Variants in VAV2 observed in about 807,000 individuals in gnomAD.
VAV2 encodes the protein guanine nucleotide exchange factor VAV2.
VAV2 carries 67 observed loss-of-function variants against 132.5 expected under a neutral mutation model. The ratio of observed to expected loss-of-function variants is 0.51; its 90% CI spans 0.42 to 0.62. VAV2 has a LOEUF of 0.62. Among genes scored for constraint, VAV2 ranks in the 20% least tolerant of loss-of-function variants. The pLI is 0.00. For synonymous variants in VAV2, 492 were observed against 443.5 expected, an observed-to-expected ratio of 1.11 and a Z score of -1.37; for missense variants, 938 against 1,153.6, an observed-to-expected ratio of 0.81 and a Z score of 2.71.
chr9:133,886,426 T>C (rs192063408), intron 2 of VAV2, among the ~76,000 whole-genome samples: 10 of 152,284 alleles, frequency 6.6e-5, no homozygotes, highest in African/African-American at 1.7e-4. Flanking sequence ...CTTGAAGGAC[T>C]CAAACCCATG....
rs568196601 is a variant in VAV2, at chr9:133,803,730, C to T, written c.836+2351G>A. On this transcript the variant is annotated intron_variant, in intron 9 of 29. Coordinates refer to ENST00000371850, the MANE Select transcript of VAV2 (RefSeq NM_001134398.2). ...ATGCTACTCCACCCTTCACCCCCGA[C>T]GAGCTGCCAGGACCCTGTCACAAAG... Among the ~76,000 whole-genome samples the T allele has an allele frequency of 3.9e-5, 6 of 152,304 alleles. No homozygotes were observed. The East Asian group carries it at 1.2e-3, about 29-fold the overall frequency.
chr9:133,977,192 A>AG (rs1404153391), intron 1 of VAV2, among the ~76,000 whole-genome samples: 1 of 152,210 alleles, frequency 6.6e-6, no homozygotes, highest in Non-Finnish European at 1.5e-5. Context: ...AGGCCCCCCC[A>AG]GCATCCCACG....
At chr9:133,862,208 T>C (rs1428052074) in intron 2 of VAV2, among the ~76,000 whole-genome samples, 8 of 152,220 alleles carry the variant, frequency 5.3e-5, no homozygotes, top group African/African-American at 1.4e-4. Context: ...TCTCCTGGCA[T>C]TGAAAGCCCA....
intron 1 of VAV2, among the ~76,000 whole-genome samples, chr9:133,942,671 G>A (rs561340048): frequency 5.5e-4 from 84 of 152,320 alleles, no homozygotes; most frequent in South Asian, 1.7e-3. Context: ...AATCACAGCC[G>A]GCCAGGCCCA....
chr9:133,873,949 C>T (rs183518356), intron 2 of VAV2, among the ~76,000 whole-genome samples: 325 of 152,346 alleles, frequency 2.1e-3, no homozygotes, highest in South Asian at 3.9e-3. Context: ...CAGCTAACCA[C>T]CGTCTAGGCC....
At chr9:133,792,097 G>GTA (rs1834495917) in intron 12 of VAV2, among the ~76,000 whole-genome samples, 1 of 141,566 alleles carries the variant, frequency 7.1e-6, no homozygotes, top group Admixed American at 7.1e-5. Context: ...ATGTGTGTGT[G>GTA]AGCGGGCTGT....
Position 133,826,243 on chromosome 9 carries a change from A to G in VAV2, c.449+8029T>C, listed in dbSNP as rs1835983698. On this transcript the variant is annotated intron_variant, in intron 4 of 29. Transcript: ENST00000371850. The surrounding 1 kb of genome is among the most constrained non-coding windows in gnomAD (Gnocchi z 4.2). Reference sequence around the variant, plus strand: ...CCCAGAGAAGCAGCCCCTTGAAAGGAAAGGAAAGGCCAGCTAGACCTTGGG... The same window carrying G: ...CCCAGAGAAGCAGCCCCTTGAAAGGGAAGGAAAGGCCAGCTAGACCTTGGG... Among the ~76,000 whole-genome samples, 1 of 152,172 alleles carries G rather than the reference A, an allele frequency of 6.6e-6. No homozygotes were observed. Among genetic ancestry groups the G allele is most frequent in the Non-Finnish European group, 1.5e-5 (1 of 68,034 alleles).
chr9:133,786,163 A>G (rs2261613), intron 16 of VAV2, among the ~76,000 whole-genome samples: 85,707 of 152,148 alleles, frequency 0.56, 24,251 homozygotes, highest in Middle Eastern at 0.59. Context: ...CTGCATGCAT[A>G]CTAGTGTGCT....
intron 2 of VAV2, among the ~76,000 whole-genome samples, chr9:133,906,786 T>C (rs929825404): frequency 6.6e-6 from 1 of 152,168 alleles, no homozygotes; most frequent in Non-Finnish European, 1.5e-5. Context: ...GCGGGGTCCC[T>C]GCGGAGCCAG....
At chr9:133,947,568 G>A (rs766747189) in intron 1 of VAV2, among the ~76,000 whole-genome samples, 3 of 151,932 alleles carry the variant, frequency 2.0e-5, no homozygotes, top group South Asian at 2.1e-4. Context: ...GCGTGGTGGC[G>A]CATGCCTGTA....
chr9:133,854,183 T>TGC (rs1223554173), intron 3 of VAV2, among the ~76,000 whole-genome samples: 1 of 148,094 alleles, frequency 6.8e-6, no homozygotes, highest in African/African-American at 2.5e-5. Flanking sequence ...ACACCCCATG[T>TGC]ACCTGCACAC....
At position 133,928,182 on chromosome 9, in the gene VAV2, TGTGTGTGC is replaced by T. The variant is rs1325248525; in HGVS notation, c.321+10913_321+10920del. ...GGCTTACCGACTCCGTGTGTGTGTG[TGTGTGTGC>T]GTGCATGTGTGTATGTCTGTGTGTG... On this transcript the variant is annotated intron_variant, in intron 2 of 29. Coordinates refer to ENST00000371850, the MANE Select transcript of VAV2 (RefSeq NM_001134398.2). The surrounding 1 kb of genome is among the most constrained non-coding windows in gnomAD (Gnocchi z 5.4). Among the ~76,000 whole-genome samples, 8 of 38,816 alleles carry T rather than the reference TGTGTGTGC, an allele frequency of 2.1e-4. No individual in the cohort carries two copies. The East Asian group carries it at 0.012, about 57-fold the overall frequency. 25.5% of individuals were successfully genotyped at this position (38,816 alleles called of 152,430 possible).
At chr9:133,813,762 G>C (rs1196819176) in intron 4 of VAV2, among the ~76,000 whole-genome samples, 1 of 152,234 alleles carries the variant, frequency 6.6e-6, no homozygotes, top group Non-Finnish European at 1.5e-5. Context: ...AGTTGGCAGA[G>C]GGCAGATGGC....
chr9:133,849,888 G>A (rs1433229387), intron 3 of VAV2, among the ~76,000 whole-genome samples: 1 of 152,156 alleles, frequency 6.6e-6, no homozygotes, highest in Non-Finnish European at 1.5e-5. Flanking sequence ...TCATCTAGAG[G>A]ACCCTACTTT....
chr9:133,892,422 C>A lies in VAV2; in HGVS notation c.322-30990G>T, dbSNP rs1032960648. 2.0e-5 allele frequency among the ~76,000 whole-genome samples: 3 copies of A among 151,880 alleles called. No homozygotes were observed. The East Asian group carries it at 5.8e-4, about 29-fold the overall frequency. On this transcript the variant is annotated intron_variant, in intron 2 of 29. Transcript: ENST00000371850. ...TGAGGAGGTGGGGAGTGAAAGCTGACACTCATTAGAGCACCCTTACCAGTG... is the reference window on the plus strand; with the variant it reads ...TGAGGAGGTGGGGAGTGAAAGCTGAAACTCATTAGAGCACCCTTACCAGTG...
intron 2 of VAV2, among the ~76,000 whole-genome samples, chr9:133,929,190 A>G (rs1272750819): frequency 2.6e-5 from 4 of 151,988 alleles, no homozygotes; most frequent in Non-Finnish European, 5.9e-5. Context: ...CCAGCCCTCA[A>G]TGGTGTCTTC....
chr9:133,953,849 C>T lies in VAV2; in HGVS notation c.205-14630G>A, dbSNP rs190783364. ...CCTGTCTCCAAAGAAGGCACCTGGC[C>T]CGAGTACCCCAAAACCAAGACCTGT... is the stretch of plus-strand genomic sequence containing the variant. On this transcript the variant is annotated intron_variant, in intron 1 of 29. Coordinates refer to ENST00000371850, the MANE Select transcript of VAV2 (RefSeq NM_001134398.2). Among the ~76,000 whole-genome samples the T allele has an allele frequency of 1.3e-3, 193 of 152,288 alleles. 1 individual carries two copies. Among genetic ancestry groups the T allele is most frequent in the African/African-American group, 4.5e-3 (188 of 41,562 alleles).
chr9:133,816,049 GA>G (rs1362197620), intron 4 of VAV2, among the ~76,000 whole-genome samples: 2 of 152,218 alleles, frequency 1.3e-5, no homozygotes, highest in Admixed American at 6.5e-5. Context: ...CGTGTGGAGT[GA>G]AACAGAACTG....
At chr9:133,780,641 C>T in intron 20 of VAV2, 53 bp downstream of exon 20, 1 of 1,185,440 alleles carries the variant, frequency 8.4e-7, no homozygotes, top group Admixed American at 4.4e-5. Flanking sequence ...TCTGCGCACA[C>T]AGGGATGTGG....
Sources: allele counts gnomAD v4.1 joint callset (sites outside exome capture counted in the v4.1 genomes callset), GRCh38; gene constraint gnomAD v4.1.1; non-coding constraint Gnocchi (gnomAD v3.1); transcripts MANE v1.5; gene names NCBI Gene and HGNC (gene_info 2026-07-23, HGNC 2026-07-21).